Variants in SP1 observed in about 807,000 individuals in gnomAD.
SP1 encodes the protein Sp1 transcription factor, also known as transcription factor Sp1.
A neutral mutation model predicts 66.3 loss-of-function variants in SP1; 6 were observed. The observed-to-expected ratio is 0.09, with a 90% CI of 0.05 to 0.18. The LOEUF (loss-of-function observed/expected upper bound fraction) is 0.18, where lower values mean the gene tolerates loss of function less well. Ranked by LOEUF, SP1 falls within the 10% of genes least tolerant of loss-of-function variation. The pLI, the probability that SP1 is intolerant of heterozygous loss-of-function variation, is 1.00. For missense variants in SP1, 848 were observed against 964.5 expected (o/e 0.88, Z 1.60); for synonymous variants, 417 against 360.8 (o/e 1.16, Z -1.77).
chr12:53,403,476 C>T (rs966047747), intron 3 of SP1, among the ~76,000 whole-genome samples: 4 of 151,914 alleles, frequency 2.6e-5, no homozygotes, highest in African/African-American at 4.8e-5. Context: ...CTTCATCCTC[C>T]CAGGTAGTTG....
chr12:53,406,065 C>CTTTTTTTTTTTTTTTTTTT (rs1170832065), intron 3 of SP1, among the ~76,000 whole-genome samples: 2 of 82,412 alleles, frequency 2.4e-5, no homozygotes, highest in Non-Finnish European at 5.0e-5. Flanking sequence ...TATTTTCTTT[C>CTTTTTTTTTTTTTTTTTTT]TTTTTTTTTT....
intron 3 of SP1, among the ~76,000 whole-genome samples, chr12:53,396,568 AAAAACAAAAC>A (rs896213560): frequency 2.0e-5 from 3 of 152,298 alleles, no homozygotes; most frequent in Admixed American, 2.0e-4. Flanking sequence ...ACTCCATCTC[AAAAACAAAAC>A]AAAACAAAAC....
chr12:53,399,528 T>G (rs1262767740), intron 3 of SP1, among the ~76,000 whole-genome samples: 1 of 152,198 alleles, frequency 6.6e-6, no homozygotes, highest in Admixed American at 6.6e-5. Context: ...AGACCGGGTT[T>G]CCCCATGTTA....
At chr12:53,398,598 T>G (rs1247805181) in intron 3 of SP1, among the ~76,000 whole-genome samples, 3 of 152,198 alleles carry the variant, frequency 2.0e-5, no homozygotes, top group Admixed American at 2.0e-4. Flanking sequence ...TTTTATGTTT[T>G]AATAATATAA....
intron 3 of SP1, among the ~76,000 whole-genome samples, chr12:53,386,200 C>G (rs1392708746): frequency 2.6e-5 from 4 of 151,950 alleles, no homozygotes. Flanking sequence ...TCTGATACTT[C>G]TAGGTAGCAG....
In SP1 at chr12:53,382,955, G is replaced by T; in HGVS notation, c.1008G>T (p.Met336Ile). The T allele has an allele frequency of 6.2e-7, 1 of 1,614,094 alleles. No homozygotes were observed. Among genetic ancestry groups the T allele is most frequent in the Non-Finnish European group, 8.5e-7 (1 of 1,180,022 alleles). ...CAACTACTACTACCACCAGCAACAT[G>T]GGAATTATGAACTTTACTACCAGTG... ...SYSTTTTTSN[M>I]GIMNFTTSGS... The change falls in exon 3 of 6, where the codon ATG (methionine) becomes ATT (isoleucine). Residue 336 changes from methionine (M) to isoleucine (I), a missense_variant. Physicochemically the swap from Met to Ile is conservative, Grantham distance 10. Around this residue, in one of 7 missense-constraint regions of SP1, gnomAD observed 606 missense variants for 589.9 expected, o/e 1.03. Coordinates refer to ENST00000327443, the MANE Select transcript of SP1 (RefSeq NM_138473.3).
At chr12:53,399,424 C>T (rs528025081) in intron 3 of SP1, among the ~76,000 whole-genome samples, 2 of 151,100 alleles carry the variant, frequency 1.3e-5, no homozygotes, top group Non-Finnish European at 3.0e-5. Flanking sequence ...AGCTCCGCCT[C>T]GCGAGTTCAC....
intron 3 of SP1, among the ~76,000 whole-genome samples, chr12:53,403,893 C>T (rs1938667760): frequency 6.6e-6 from 1 of 151,484 alleles, no homozygotes; most frequent in Non-Finnish European, 1.5e-5. Context: ...AAGGAAAGGC[C>T]GGGCACGGTG....
rs1400888978 is a variant in SP1 at position 53,413,524 on chromosome 12, T to G, written c.*2284T>G. On this transcript the variant is annotated 3_prime_UTR_variant, in exon 6 of 6. Transcript: ENST00000327443. ...TTTGGTCCTTTCTCCACAGATGTAA[T>G]TATGTTTTCAACTCAGGAACTATGG... The G allele has an allele frequency of 6.6e-6, 1 of 152,640 alleles. No homozygotes were observed. Among genetic ancestry groups the G allele is most frequent in the Non-Finnish European group, 1.5e-5 (1 of 68,048 alleles). 9.5% of individuals were successfully genotyped at this position (152,640 alleles called of 1,614,324 possible).
In SP1 at chr12:53,399,786, C is replaced by T. The variant is rs1400773850; in HGVS notation, c.1676-6799C>T. ...CCAAGCAGCTGGGATTACAGGCCAC[C>T]ACACCCGGCTAATTTTGTATTTTTA... On this transcript the variant is annotated intron_variant, in intron 3 of 5. Transcript: ENST00000327443. Among the ~76,000 whole-genome samples, 3 of 151,910 alleles carry T rather than the reference C, an allele frequency of 2.0e-5. No individual in the cohort carries two copies. In the East Asian group the frequency reaches 5.8e-4, roughly 29 times the overall value.
intron 3 of SP1, 123 bp downstream of exon 3, chr12:53,383,745 C>G: frequency 2.6e-6 from 2 of 776,800 alleles, no homozygotes; most frequent in Non-Finnish European, 4.1e-6. Context: ...GTCATTTAGG[C>G]AAATAAATTT....
intron 3 of SP1, among the ~76,000 whole-genome samples, chr12:53,402,087 T>C (rs1009039165): frequency 6.6e-6 from 1 of 152,210 alleles, no homozygotes; most frequent in Non-Finnish European, 1.5e-5. Context: ...AAAGGACTCA[T>C]ATCTAAGTTT....
intron 3 of SP1, among the ~76,000 whole-genome samples, chr12:53,395,976 T>C (rs1194085557): frequency 6.6e-6 from 1 of 152,004 alleles, no homozygotes. Context: ...AAAAATTAGC[T>C]GGGTGTGCTG....
At chr12:53,395,161 T>C (rs1369444995) in intron 3 of SP1, among the ~76,000 whole-genome samples, 2 of 151,914 alleles carry the variant, frequency 1.3e-5, no homozygotes, top group Non-Finnish European at 2.9e-5. Context: ...GCTAACATGG[T>C]GAAACCTCGT....
chr12:53,407,375 TG>T (rs1187308353), intron 4 of SP1, among the ~76,000 whole-genome samples: 8 of 151,936 alleles, frequency 5.3e-5, no homozygotes, highest in African/African-American at 1.7e-4. Flanking sequence ...TTTCCCAGGC[TG>T]GAGTGCAGTG....
At position 53,412,930 on chromosome 12, in the gene SP1, C is replaced by CTGTGTGTGTGTGTG. The variant is rs57242856; in HGVS notation, c.*1714_*1727dup. The CTGTGTGTGTGTGTG allele has an allele frequency of 2.0e-5, 3 of 147,340 alleles. No homozygotes were observed. Among genetic ancestry groups the CTGTGTGTGTGTGTG allele is most frequent in the East Asian group, 2.0e-4 (1 of 5,006 alleles). The allele number at this position is 147,340 out of a possible 1,614,324, so 9.1% of individuals were successfully genotyped here. A position where few individuals can be genotyped will look rare whatever the true frequency, so the allele number is the denominator to read the frequency against. ...TGTGAGGAAGTGTGGAAAAATAGCT[C>CTGTGTGTGTGTGTG]TGTGTGTGTGTGTGTGTGTGTGTGT... On this transcript the variant is annotated 3_prime_UTR_variant, in exon 6 of 6. Coordinates refer to ENST00000327443, the MANE Select transcript of SP1 (RefSeq NM_138473.3).
At position 53,415,469 on chromosome 12, in the gene SP1, C is replaced by T. The variant is rs1353786136; in HGVS notation, c.*4229C>T. On this transcript the variant is annotated 3_prime_UTR_variant, in exon 6 of 6. Coordinates refer to ENST00000327443, the MANE Select transcript of SP1 (RefSeq NM_138473.3). ...TCCCCTAAGTCTTTACTCTGACTTC[C>T]CCAAACCCAGAAAGATTTTCTCCAC... The T allele has an allele frequency of 6.6e-6, 1 of 152,246 alleles. No individual in the cohort carries two copies. Among genetic ancestry groups the T allele is most frequent in the African/African-American group, 2.4e-5 (1 of 41,364 alleles). The allele number at this position is 152,246 out of a possible 1,614,324, so 9.4% of individuals were successfully genotyped here.
chr12:53,406,693 C>G lies in SP1; in HGVS notation c.1784C>G (p.Ala595Gly), dbSNP rs1240894023. ...GENSPDAQPQ[A>G]GRRTRREACT... is the part of the protein sequence containing the mutation. Reference sequence around the variant, plus strand: ...AACAGCCCAGATGCCCAACCCCAAGCCGGTCGGAGGACCCGGCGGGAAGCA... The same window carrying G: ...AACAGCCCAGATGCCCAACCCCAAGGCGGTCGGAGGACCCGGCGGGAAGCA... The change falls in exon 4 of 6, where the codon GCC becomes GGC. Residue 595 changes from alanine (A) to glycine (G), a missense_variant. Physicochemically the swap from Ala to Gly is moderately conservative, Grantham distance 60. Coordinates refer to ENST00000327443, the MANE Select transcript of SP1 (RefSeq NM_138473.3). The G allele has an allele frequency of 6.2e-7, 1 of 1,614,010 alleles. No homozygotes were observed. Among genetic ancestry groups the G allele is most frequent in the East Asian group, 2.2e-5 (1 of 44,896 alleles).
rs1035961765 is a variant in SP1 at position 53,411,317 on chromosome 12, A to C, written c.*77A>C. 2 of 1,191,172 alleles carry C rather than the reference A, an allele frequency of 1.7e-6. No individual in the cohort carries two copies. The highest frequency in any genetic ancestry group is 3.0e-5 in the African/African-American group (2 of 65,770). The allele number at this position is 1,191,172 out of a possible 1,614,324, so 73.8% of individuals were successfully genotyped here. ...ATGCAAGGTAGCATGGGTCCAAGAG[A>C]CATGGAAGAGAGAGCCATGAAGCAT... On this transcript the variant is annotated 3_prime_UTR_variant, in exon 6 of 6. Transcript: ENST00000327443.
Sources: gnomAD v4.1 joint callset for allele counts (sites outside exome capture counted in the v4.1 genomes callset) on GRCh38, gnomAD v4.1.1 for gene constraint, gnomAD v4.1.1 regional missense constraint, MANE v1.5 for transcripts, NCBI Gene and HGNC (gene_info 2026-07-23, HGNC 2026-07-21) for gene names.